Variants in PDE1C observed in about 807,000 individuals in gnomAD.
The protein encoded by PDE1C is dual specificity calcium/calmodulin-dependent 3',5'-cyclic nucleotide phosphodiesterase 1C.
In PDE1C, 62 loss-of-function variants were observed where a neutral mutation model predicts 93.1. The ratio of observed to expected loss-of-function variants is 0.67; its 90% CI spans 0.54 to 0.82. The LOEUF (loss-of-function observed/expected upper bound fraction) is 0.82, where lower values mean the gene tolerates loss of function less well. PDE1C is among the 40% of genes least tolerant of loss of function. The probability of loss-of-function intolerance (pLI) is 0.00; values close to 1 mark genes in which losing one functional copy is unlikely to be tolerated. For synonymous variants in PDE1C, 325 were observed against 310.1 expected, an observed-to-expected ratio of 1.05 and a Z score of -0.50; for missense variants, 742 against 884.6, an observed-to-expected ratio of 0.84 and a Z score of 2.04.
At chr7:32,134,002 C>T (rs1410403208) in intron 3 of PDE1C, among the ~76,000 whole-genome samples, 1 of 151,374 alleles carries the variant, frequency 6.6e-6, no homozygotes, top group Non-Finnish European at 1.5e-5. Flanking sequence ...AATACTATAC[C>T]TGAAATTTAA....
At chr7:32,209,971 C>A (rs1805880655) in intron 1 of PDE1C, among the ~76,000 whole-genome samples, 1 of 152,082 alleles carries the variant, frequency 6.6e-6, no homozygotes, top group Non-Finnish European at 1.5e-5. Context: ...TCCATAGGGG[C>A]AAAGCTGAGG....
At chr7:32,138,494 G>C (rs573765450) in intron 3 of PDE1C, among the ~76,000 whole-genome samples, 147 of 152,102 alleles carry the variant, frequency 9.7e-4, no homozygotes, top group African/African-American at 3.3e-3. Flanking sequence ...TTTACTGTTT[G>C]AATTTAGCAC....
At chr7:31,624,717 G>C in the PDE1C span, among the ~76,000 whole-genome samples, 3 of 150,856 alleles carry the variant, frequency 2.0e-5, no homozygotes, top group African/African-American at 4.9e-5. Flanking sequence ...CATGGGCAAG[G>C]ACTTCATGTC....
At chr7:31,628,548 C>T in the PDE1C span, among the ~76,000 whole-genome samples, 12 of 151,482 alleles carry the variant, frequency 7.9e-5, no homozygotes, top group South Asian at 2.1e-4. Flanking sequence ...AGCTCTGCTT[C>T]CCGGGTTCAC....
At chr7:31,782,524 A>G (rs754969386) in intron 16 of PDE1C, among the ~76,000 whole-genome samples, 1 of 152,238 alleles carries the variant, frequency 6.6e-6, no homozygotes, top group African/African-American at 2.4e-5. Context: ...CATCAGAGCA[A>G]TAATACCATG....
intron 1 of PDE1C, among the ~76,000 whole-genome samples, chr7:32,247,335 G>A (rs1236060874): frequency 7.9e-6 from 1 of 125,972 alleles, no homozygotes; most frequent in African/African-American, 3.0e-5. Flanking sequence ...TGAGGGTAAG[G>A]GCTCCTGTCT....
At chr7:31,639,532 GTTTTTGTTTT>G in the PDE1C span, among the ~76,000 whole-genome samples, 1 of 45,532 alleles carries the variant, frequency 2.2e-5, no homozygotes, top group African/African-American at 1.0e-4. Context: ...TTGTTTGTTT[GTTTTTGTTTT>G]TTTTTTTTTT....
intron 3 of PDE1C, among the ~76,000 whole-genome samples, chr7:32,166,906 T>C (rs1802318495): frequency 6.6e-6 from 1 of 152,184 alleles, no homozygotes; most frequent in Admixed American, 6.5e-5. Context: ...CTGCCCAAGC[T>C]ACTCCTTGCT....
chr7:32,013,655 T>C (rs1344638857), intron 2 of PDE1C, among the ~76,000 whole-genome samples: 1 of 152,242 alleles, frequency 6.6e-6, no homozygotes, highest in Non-Finnish European at 1.5e-5. Context: ...AGGAACAGGC[T>C]ATGACCTAAT....
At chr7:32,402,384 C>G (rs1425245251) in intron 1 of PDE1C, among the ~76,000 whole-genome samples, 2 of 152,068 alleles carry the variant, frequency 1.3e-5, no homozygotes, top group Admixed American at 1.3e-4. Context: ...GCCTAAGAAC[C>G]AGGACAGCTG....
chr7:31,710,526 A>C, the PDE1C span, among the ~76,000 whole-genome samples: 1 of 152,206 alleles, frequency 6.6e-6, no homozygotes, highest in South Asian at 2.1e-4. Flanking sequence ...CAATTAAGTG[A>C]ATTTTCCCTG....
At chr7:32,077,044 C>G (rs1194396177) in intron 3 of PDE1C, among the ~76,000 whole-genome samples, 1 of 151,954 alleles carries the variant, frequency 6.6e-6, no homozygotes. Flanking sequence ...CAAGGCAAGC[C>G]TGGCTACCAT....
intron 1 of PDE1C, among the ~76,000 whole-genome samples, chr7:32,055,040 A>G (rs1403814139): frequency 1.3e-5 from 2 of 152,108 alleles, no homozygotes; most frequent in African/African-American, 4.8e-5. Context: ...TGCACTTATG[A>G]CTGCTCATGG....
At chr7:32,163,669 T>C (rs188300893) in intron 3 of PDE1C, among the ~76,000 whole-genome samples, 4 of 152,246 alleles carry the variant, frequency 2.6e-5, no homozygotes, top group African/African-American at 7.2e-5. Context: ...CAACTCAACC[T>C]GTGTTGGGAG....
chr7:31,919,697 A>G (rs969639767), intron 2 of PDE1C, among the ~76,000 whole-genome samples: 3 of 152,222 alleles, frequency 2.0e-5, no homozygotes, highest in African/African-American at 7.2e-5. Flanking sequence ...CTCAAGATTT[A>G]TAAACACTGT....
At chr7:31,938,210 A>T (rs112781820) in intron 2 of PDE1C, among the ~76,000 whole-genome samples, 1 of 151,978 alleles carries the variant, frequency 6.6e-6, no homozygotes, top group African/African-American at 2.4e-5. Flanking sequence ...ATTTTGGAAG[A>T]TGGATGCATT....
At chr7:32,227,675 C>A (rs1033372517) in intron 1 of PDE1C, among the ~76,000 whole-genome samples, 2 of 152,172 alleles carry the variant, frequency 1.3e-5, no homozygotes, top group African/African-American at 2.4e-5. Flanking sequence ...TGCACTCTTC[C>A]CACACTGAAT....
intron 2 of PDE1C, among the ~76,000 whole-genome samples, chr7:31,912,215 T>C (rs907108744): frequency 1.3e-5 from 2 of 152,164 alleles, no homozygotes; most frequent in African/African-American, 4.8e-5. Flanking sequence ...AGAATTCTAC[T>C]TCAAATCAAG....
rs1271697839 is a variant in PDE1C, at chr7:31,904,240, TG to T, written c.129-23381del. ...AATCCAGCCTGAATTGACACAGGAC[TG>T]GGCAATAGGAAGATAAAACATTCTA... On this transcript the variant is annotated intron_variant, in intron 2 of 17. Coordinates refer to ENST00000396191, the MANE Select transcript of PDE1C (RefSeq NM_001191057.4). 2.0e-5 allele frequency among the ~76,000 whole-genome samples: 3 copies of T among 152,108 alleles called. No homozygotes were observed. The South Asian group carries it at 6.2e-4, about 31-fold the overall frequency.
Sources: gnomAD v4.1 joint callset for allele counts (sites outside exome capture counted in the v4.1 genomes callset) on GRCh38, gnomAD v4.1.1 for gene constraint, MANE v1.5 for transcripts, NCBI Gene and HGNC (gene_info 2026-07-23, HGNC 2026-07-21) for gene names.